ADGRL2: variants seen among roughly 807,000 people sequenced by gnomAD.
ADGRL2 encodes adhesion G protein-coupled receptor L2, also known as calcium-independent alpha-latrotoxin receptor 2.
In ADGRL2, 44 loss-of-function variants were observed where a neutral mutation model predicts 157.4. That is an observed-to-expected ratio of 0.28 (90% CI 0.22 to 0.36). The LOEUF (loss-of-function observed/expected upper bound fraction) is 0.36, where lower values mean the gene tolerates loss of function less well. Ranked by LOEUF, ADGRL2 falls within the 10% of genes least tolerant of loss-of-function variation. The pLI, the probability that ADGRL2 is intolerant of heterozygous loss-of-function variation, is 1.00. For missense variants in ADGRL2, 1,510 were observed against 1,768.9 expected, an observed-to-expected ratio of 0.85 and a Z score of 2.63; for synonymous variants, 585 against 624.7, an observed-to-expected ratio of 0.94 and a Z score of 0.95.
At chr1:81,922,191 TGA>T (rs984738021) in intron 3 of ADGRL2, among the ~76,000 whole-genome samples, 18 of 152,096 alleles carry the variant, frequency 1.2e-4, no homozygotes, top group Non-Finnish European at 1.8e-4. Context: ...AGTTATGGCC[TGA>T]GAGGGGAAAA....
chr1:81,543,828 A>T (rs954916506), intron 2 of ADGRL2, among the ~76,000 whole-genome samples: 4 of 152,122 alleles, frequency 2.6e-5, no homozygotes, highest in Non-Finnish European at 5.9e-5. Flanking sequence ...CCTCTTCTCG[A>T]GTTTTTCTAA....
rs145544249 is a variant in ADGRL2 at position 81,634,086 on chromosome 1, A to T, written c.-143+53106A>T. Among the ~76,000 whole-genome samples the T allele has an allele frequency of 1.1e-3, 174 of 152,334 alleles. 1 individual carries two copies. The highest frequency in any genetic ancestry group is 3.8e-3 in the African/African-American group (156 of 41,572). ...AGAAAGAAGACTGTGTAAGAGTCCC[A>T]GAGAGATAGTAGAAGAATCAAAAGA... On this transcript the variant is annotated intron_variant, in intron 3 of 24. Transcript: ENST00000370721.
chr1:81,939,430 T>C (rs1019859948), intron 4 of ADGRL2, among the ~76,000 whole-genome samples: 11 of 151,600 alleles, frequency 7.3e-5, no homozygotes, highest in African/African-American at 2.7e-4. Context: ...TTGTACCTTA[T>C]ATTTCAAAGT....
At chr1:81,518,856 A>G (rs2079243827) in intron 2 of ADGRL2, among the ~76,000 whole-genome samples, 1 of 152,104 alleles carries the variant, frequency 6.6e-6, no homozygotes, top group African/African-American at 2.4e-5. Flanking sequence ...AATGAGATAT[A>G]TAACAAGAGC....
At chr1:81,463,213 A>AG (rs1401485187) in intron 2 of ADGRL2, among the ~76,000 whole-genome samples, 2 of 151,910 alleles carry the variant, frequency 1.3e-5, no homozygotes, top group Non-Finnish European at 2.9e-5. Flanking sequence ...TGTATGTAGC[A>AG]GGGGAGAGTT....
At chr1:81,882,368 A>C (rs1195602188) in intron 2 of ADGRL2, among the ~76,000 whole-genome samples, 1 of 152,344 alleles carries the variant, frequency 6.6e-6, no homozygotes, top group African/African-American at 2.4e-5. Context: ...TCATCAGAGT[A>C]AAAATTAATT....
intron 3 of ADGRL2, among the ~76,000 whole-genome samples, chr1:81,654,499 A>G (rs1165729984): frequency 1.3e-5 from 2 of 152,184 alleles, no homozygotes; most frequent in African/African-American, 2.4e-5. Context: ...CTCCTAAAAG[A>G]CAAATCTTTC....
chr1:81,699,626 T>C (rs2083517573), upstream of ADGRL2: 1 of 152,212 alleles, frequency 6.6e-6, no homozygotes, highest in East Asian at 1.9e-4. Flanking sequence ...ACCTGTCTGC[T>C]TAGGAAATTC....
At chr1:81,388,015 A>G (rs2076468120) in intron 1 of ADGRL2, among the ~76,000 whole-genome samples, 1 of 151,718 alleles carries the variant, frequency 6.6e-6, no homozygotes, top group South Asian at 2.1e-4. Flanking sequence ...AAATCTGTTC[A>G]TTTTCTGAAG....
chr1:81,383,416 T>C (rs999814839), intron 1 of ADGRL2, among the ~76,000 whole-genome samples: 13 of 152,022 alleles, frequency 8.6e-5, no homozygotes, highest in Non-Finnish European at 1.8e-4. Context: ...GAGGAATAGA[T>C]AGAGAGAGAA....
intron 2 of ADGRL2, among the ~76,000 whole-genome samples, chr1:81,858,752 T>C (rs1025490255): frequency 1.3e-5 from 2 of 152,260 alleles, no homozygotes; most frequent in Admixed American, 1.3e-4. Flanking sequence ...AAAAAAATCA[T>C]TTGCAAAATG....
At chr1:81,768,809 T>C (rs748985989) in intron 2 of ADGRL2, among the ~76,000 whole-genome samples, 28 of 152,126 alleles carry the variant, frequency 1.8e-4, no homozygotes, top group Non-Finnish European at 3.2e-4. Context: ...GGCCAGGCGA[T>C]GTAGCTCATG....
chr1:81,921,102 C>T (rs1381532493), intron 3 of ADGRL2, among the ~76,000 whole-genome samples: 1 of 152,054 alleles, frequency 6.6e-6, no homozygotes, highest in Non-Finnish European at 1.5e-5. Context: ...GGCATTTTGA[C>T]ATTAATGAGG....
At chr1:81,945,070 A>G (rs1276194826) in intron 6 of ADGRL2, among the ~76,000 whole-genome samples, 3 of 152,076 alleles carry the variant, frequency 2.0e-5, no homozygotes, top group Non-Finnish European at 4.4e-5. Context: ...TGTAGCAGTA[A>G]TGTTCATTGT....
intron 3 of ADGRL2, among the ~76,000 whole-genome samples, chr1:81,643,302 T>G (rs559580134): frequency 6.6e-6 from 1 of 152,066 alleles, no homozygotes; most frequent in Non-Finnish European, 1.5e-5. Flanking sequence ...AATGAACAAG[T>G]GGAATTTGTT....
chr1:81,781,999 T>G (rs2086833206), intron 2 of ADGRL2, among the ~76,000 whole-genome samples: 1 of 152,202 alleles, frequency 6.6e-6, no homozygotes, highest in Non-Finnish European at 1.5e-5. Flanking sequence ...GGTCCCTAAA[T>G]AGTGTCTCTG....
At chr1:81,613,212 G>C (rs1165276097) in intron 3 of ADGRL2, among the ~76,000 whole-genome samples, 1 of 152,158 alleles carries the variant, frequency 6.6e-6, no homozygotes, top group Non-Finnish European at 1.5e-5. Context: ...TATGGTTGTT[G>C]TGATGATTAC....
At chr1:81,453,895 A>G (rs923526274) in intron 2 of ADGRL2, among the ~76,000 whole-genome samples, 1 of 152,194 alleles carries the variant, frequency 6.6e-6, no homozygotes, top group African/African-American at 2.4e-5. Context: ...AAAGACATGC[A>G]CCAGCTCAGT....
At chr1:81,840,663 T>C (rs185365439) in intron 2 of ADGRL2, among the ~76,000 whole-genome samples, 2 of 152,248 alleles carry the variant, frequency 1.3e-5, no homozygotes, top group Admixed American at 1.3e-4. Flanking sequence ...AATCAAGTCT[T>C]ACCCATTAAA....
Sources: allele counts gnomAD v4.1 joint callset (sites outside exome capture counted in the v4.1 genomes callset), GRCh38; gene constraint gnomAD v4.1.1; transcripts MANE v1.5; gene names NCBI Gene and HGNC (gene_info 2026-07-23, HGNC 2026-07-21).